Variants in STAG1 observed in about 807,000 individuals in gnomAD.
The protein encoded by STAG1 is STAG1 cohesin complex component.
In STAG1, 26 loss-of-function variants were observed where a neutral mutation model predicts 170.9. The observed-to-expected ratio is 0.15, with a 90% CI of 0.11 to 0.21. The LOEUF is 0.21. Among genes scored for constraint, STAG1 ranks in the 10% least tolerant of loss-of-function variants. STAG1 has a pLI of 1.00. For missense variants in STAG1, 964 were observed against 1,509.5 expected (o/e 0.64, Z 5.99); for synonymous variants, 514 against 497.7 (o/e 1.03, Z -0.44).
At chr3:136,648,553 TCTGTC>T (rs1456679964) in intron 1 of STAG1, among the ~76,000 whole-genome samples, 2 of 152,200 alleles carry the variant, frequency 1.3e-5, no homozygotes, top group African/African-American at 4.8e-5. Context: ...CTCTACCCTC[TCTGTC>T]CTCCAAAACA....
chr3:136,634,813 TAAATA>T (rs1032822455), intron 1 of STAG1, among the ~76,000 whole-genome samples: 12 of 152,012 alleles, frequency 7.9e-5, no homozygotes, highest in African/African-American at 2.9e-4. Flanking sequence ...GACATATCTT[TAAATA>T]AAATGACTTT....
chr3:136,345,304 A>C (rs1936172172), intron 29 of STAG1, among the ~76,000 whole-genome samples: 1 of 151,850 alleles, frequency 6.6e-6, no homozygotes, highest in South Asian at 2.1e-4. Context: ...GGCCAGGCTG[A>C]AATGGAACTC....
At chr3:136,559,609 A>C (rs1211738398) in intron 5 of STAG1, among the ~76,000 whole-genome samples, 2 of 152,200 alleles carry the variant, frequency 1.3e-5, no homozygotes, top group Non-Finnish European at 2.9e-5. Context: ...AGATGTCCTG[A>C]GGGACTCACA....
chr3:136,538,800 G>A (rs1002887157), intron 6 of STAG1, among the ~76,000 whole-genome samples: 1 of 152,122 alleles, frequency 6.6e-6, no homozygotes, highest in African/African-American at 2.4e-5. Context: ...GAAGAGAGAG[G>A]AGGCTTATCA....
intron 22 of STAG1, among the ~76,000 whole-genome samples, chr3:136,382,532 A>G (rs1206861992): frequency 1.3e-5 from 2 of 151,872 alleles, no homozygotes; most frequent in East Asian, 3.9e-4. Context: ...CCTCCCAAAA[A>G]GCTGGGATTA....
intron 6 of STAG1, among the ~76,000 whole-genome samples, 159 bp downstream of exon 6, chr3:136,541,960 C>A (rs1226252858): frequency 6.6e-6 from 1 of 152,020 alleles, no homozygotes; most frequent in East Asian, 1.9e-4. Flanking sequence ...CTCCAAAGAT[C>A]ATTAATTTTG....
intron 15 of STAG1, 90 bp downstream of exon 15, chr3:136,443,197 T>C (rs1379802376): frequency 1.5e-5 from 12 of 789,614 alleles, no homozygotes; most frequent in African/African-American, 1.2e-4. Flanking sequence ...TGCTTATATA[T>C]GCTCATTTTT....
chr3:136,528,957 A>AC (rs1935220497), intron 6 of STAG1, among the ~76,000 whole-genome samples: 1 of 151,954 alleles, frequency 6.6e-6, no homozygotes, highest in African/African-American at 2.4e-5. Flanking sequence ...ACAAAACAAA[A>AC]AAAAACAGAA....
At chr3:136,491,775 C>T (rs1362945573) in intron 9 of STAG1, among the ~76,000 whole-genome samples, 1 of 152,092 alleles carries the variant, frequency 6.6e-6, no homozygotes, top group Non-Finnish European at 1.5e-5. Context: ...GGAAGATCAC[C>T]TGAGGTCAGG....
intron 11 of STAG1, among the ~76,000 whole-genome samples, chr3:136,473,283 T>C (rs938687409): frequency 2.6e-5 from 4 of 152,096 alleles, no homozygotes; most frequent in African/African-American, 9.7e-5. Context: ...CATATTACAA[T>C]GTAATAACAA....
intron 2 of STAG1, among the ~76,000 whole-genome samples, chr3:136,625,865 T>C (rs537061192): frequency 2.0e-5 from 3 of 152,350 alleles, no homozygotes; most frequent in South Asian, 2.1e-4. Context: ...CTCTAACTTA[T>C]ATATCTTTAA....
intron 8 of STAG1, 104 bp downstream of exon 8, chr3:136,502,523 TA>T: frequency 8.1e-7 from 1 of 1,236,798 alleles, no homozygotes; most frequent in Non-Finnish European, 1.1e-6. Flanking sequence ...ATAATCTAAC[TA>T]AATATACACA....
chr3:136,521,585 CT>C (rs1268415361), intron 6 of STAG1, among the ~76,000 whole-genome samples, 168 bp from the exon 7 acceptor site: 1 of 151,946 alleles, frequency 6.6e-6, no homozygotes, highest in African/African-American at 2.4e-5. Flanking sequence ...TGATTTTGAT[CT>C]GCCACAACTA....
At chr3:136,495,325 T>C (rs1025037817) in intron 9 of STAG1, among the ~76,000 whole-genome samples, 4 of 152,158 alleles carry the variant, frequency 2.6e-5, no homozygotes, top group East Asian at 1.9e-4. Context: ...TATGCCTTAA[T>C]AGAAGAGACA....
chr3:136,522,335 G>A (rs925808842), intron 6 of STAG1, among the ~76,000 whole-genome samples: 4 of 152,120 alleles, frequency 2.6e-5, no homozygotes, highest in South Asian at 2.1e-4. Context: ...ACAGGAGAAC[G>A]GACTCAGAGT....
At chr3:136,562,567 G>C (rs2107753320) in intron 5 of STAG1, among the ~76,000 whole-genome samples, 1 of 151,276 alleles carries the variant, frequency 6.6e-6, no homozygotes, top group South Asian at 2.1e-4. Flanking sequence ...TCTACTTTAA[G>C]CTAGAACAGT....
chr3:136,517,150 A>G (rs1223340361), intron 7 of STAG1, among the ~76,000 whole-genome samples: 1 of 152,214 alleles, frequency 6.6e-6, no homozygotes, highest in Non-Finnish European at 1.5e-5. Flanking sequence ...TTTATCCCTC[A>G]GGAGTCTGAG....
chr3:136,453,483 C>A (rs867659796), intron 13 of STAG1, among the ~76,000 whole-genome samples: 3 of 150,318 alleles, frequency 2.0e-5, no homozygotes, highest in Non-Finnish European at 4.4e-5. Context: ...CCCACCTACT[C>A]GGGAGGCTGA....
At chr3:136,596,300 G>C (rs1213940415) in intron 4 of STAG1, among the ~76,000 whole-genome samples, 4 of 152,100 alleles carry the variant, frequency 2.6e-5, no homozygotes, top group African/African-American at 9.7e-5. Flanking sequence ...TTGATCAGTC[G>C]GCAGCTATCA....
Sources: gnomAD v4.1 joint callset for allele counts (sites outside exome capture counted in the v4.1 genomes callset) on GRCh38, gnomAD v4.1.1 for gene constraint, MANE v1.5 for transcripts, NCBI Gene and HGNC (gene_info 2026-07-23, HGNC 2026-07-21) for gene names.